SMG7: variants seen among roughly 807,000 people sequenced by gnomAD.
The protein encoded by SMG7 is SMG7 nonsense mediated mRNA decay factor.
SMG7 carries 34 observed loss-of-function variants against 148.2 expected under a neutral mutation model. The observed-to-expected ratio is 0.23, with a 90% CI of 0.17 to 0.31. The LOEUF (loss-of-function observed/expected upper bound fraction) is 0.31, where lower values mean the gene tolerates loss of function less well. SMG7 is among the 10% of genes least tolerant of loss of function. SMG7 has a pLI of 1.00. For missense variants in SMG7, 1,114 were observed against 1,408.4 expected (o/e 0.79, Z 3.35); for synonymous variants, 492 against 515.1 (o/e 0.96, Z 0.61).
At chr1:183,477,512 A>G (rs1023749309) in intron 1 of SMG7, among the ~76,000 whole-genome samples, 5 of 151,982 alleles carry the variant, frequency 3.3e-5, no homozygotes, top group African/African-American at 1.2e-4. Context: ...ATATATGCAT[A>G]TATACATGTG....
intron 8 of SMG7, 51 bp from the exon 9 acceptor site, chr1:183,533,113 G>T: frequency 6.6e-7 from 1 of 1,509,600 alleles, no homozygotes. Flanking sequence ...TTGTGTCAAA[G>T]ATGGTTCCTG....
chr1:183,520,791 AATC>A (rs1458763864), intron 4 of SMG7, among the ~76,000 whole-genome samples: 1 of 152,264 alleles, frequency 6.6e-6, no homozygotes, highest in Non-Finnish European at 1.5e-5. Context: ...GTAAAGAAAG[AATC>A]ATCATTTTTA....
rs115513996 is a variant in SMG7 at position 183,514,119 on chromosome 1, C to T, written c.61+1251C>T. Among the ~76,000 whole-genome samples, 487 of 150,520 alleles carry T rather than the reference C, an allele frequency of 3.2e-3. 1 individual carries two copies. Among genetic ancestry groups the T allele is most frequent in the Middle Eastern group, 0.014 (4 of 294 alleles). On this transcript the variant is annotated intron_variant, in intron 2 of 22. Transcript: ENST00000688051. ...ACCGTATACTGGTCAGTATGCCCTC[C>T]GTAACAGCATATGCCATCCTAAAAT...
intron 1 of SMG7, among the ~76,000 whole-genome samples, chr1:183,477,414 G>GTA (rs879846281): frequency 2.5e-3 from 386 of 151,838 alleles, no homozygotes; most frequent in East Asian, 6.0e-3. Context: ...GTGTGTGTGT[G>GTA]TGTGTATGTG....
chr1:183,477,613 T>C (rs1571717887), intron 1 of SMG7, among the ~76,000 whole-genome samples: 1 of 131,228 alleles, frequency 7.6e-6, no homozygotes, highest in East Asian at 2.3e-4. Flanking sequence ...TATGCATATA[T>C]ACGTGTGTGC....
rs966406091 is a variant in SMG7 at position 183,472,805 on chromosome 1, G to A, written c.29+156G>A. The A allele has an allele frequency of 8.5e-6, 5 of 586,668 alleles. No homozygotes were observed. In the Admixed American group the frequency reaches 1.2e-4, roughly 14 times the overall value. 36.3% of individuals were successfully genotyped at this position (586,668 alleles called of 1,614,324 possible). A position where few individuals can be genotyped will look rare whatever the true frequency, so the allele number is the denominator to read the frequency against. On this transcript the variant is annotated intron_variant, in intron 1 of 22. Coordinates refer to ENST00000688051, the MANE Select transcript of SMG7 (RefSeq NM_001375584.1). ...GAGACTGCAAGGGGATCTGCGGGAG[G>A]GGGCGGAACGGGTATGGGTGCCTAG...
chr1:183,539,809 C>T (rs545141750), intron 12 of SMG7, among the ~76,000 whole-genome samples: 37 of 152,310 alleles, frequency 2.4e-4, no homozygotes, highest in Middle Eastern at 3.4e-3. Context: ...GTTTATTTCC[C>T]TATACATAGT....
intron 4 of SMG7, among the ~76,000 whole-genome samples, chr1:183,520,410 C>T (rs1034124751): frequency 6.6e-6 from 1 of 151,976 alleles, no homozygotes; most frequent in Admixed American, 6.6e-5. Flanking sequence ...CTGTTGGATT[C>T]CCAGATTCCC....
chr1:183,489,769 T>C (rs1309179781), intron 1 of SMG7, among the ~76,000 whole-genome samples: 1 of 152,240 alleles, frequency 6.6e-6, no homozygotes, highest in African/African-American at 2.4e-5. Context: ...GATCAACTTC[T>C]ATTCTCAATG....
chr1:183,549,786 T>A lies in SMG7; in HGVS notation c.2996T>A (p.Met999Lys), dbSNP rs1353956949. The change falls in exon 20 of 23, where the codon ATG (methionine) becomes AAG (lysine). Residue 999 changes from methionine (M) to lysine (K), a missense_variant. Physicochemically the swap from Met to Lys is moderately conservative, Grantham distance 95 (BLOSUM62 -1). This residue lies in a region of SMG7 where 788 missense variants were observed against 894.5 expected (regional missense o/e 0.88). Coordinates refer to ENST00000688051, the MANE Select transcript of SMG7 (RefSeq NM_001375584.1). Reference sequence around the variant, plus strand: ...CAGGAAAGATACCCAAATAATAGTATGTTCAATGAGGTATATGGGAAAAAC... The same window carrying A: ...CAGGAAAGATACCCAAATAATAGTAAGTTCAATGAGGTATATGGGAAAAAC... Reference protein sequence around the residue: ...LNQERYPNNSMFNEVYGKNLT... With the variant: ...LNQERYPNNSKFNEVYGKNLT... 6.2e-7 allele frequency: 1 copy of A among 1,613,812 alleles called. No individual in the cohort carries two copies. The highest frequency in any genetic ancestry group is 2.2e-5 in the East Asian group (1 of 44,868).
chr1:183,476,872 A>G (rs1321062694), intron 1 of SMG7, among the ~76,000 whole-genome samples: 1 of 152,208 alleles, frequency 6.6e-6, no homozygotes, highest in Non-Finnish European at 1.5e-5. Flanking sequence ...TTATGACAGA[A>G]TGAAAGATTT....
Position 183,532,529 on chromosome 1 carries a change from G to A in SMG7, c.844-635G>A, listed in dbSNP as rs575338840. On this transcript the variant is annotated intron_variant, in intron 8 of 22. Coordinates refer to ENST00000688051, the MANE Select transcript of SMG7 (RefSeq NM_001375584.1). ...AAGGTAAATGAAATTTGATGATCAC[G>A]CATGTACTTCTCTAAGAGGGGAAAA... Among the ~76,000 whole-genome samples the A allele has an allele frequency of 7.9e-5, 12 of 152,254 alleles. No individual in the cohort carries two copies. The East Asian group carries it at 9.7e-4, about 12-fold the overall frequency.
At chr1:183,473,790 G>C in intron 1 of SMG7, 1 of 985,260 alleles carries the variant, frequency 1.0e-6, no homozygotes, top group Non-Finnish European at 1.2e-6. Flanking sequence ...CCTTGCGGAG[G>C]AGGGAGTTGG....
chr1:183,530,411 A>G (rs1666649468), intron 8 of SMG7, among the ~76,000 whole-genome samples: 1 of 152,130 alleles, frequency 6.6e-6, no homozygotes, highest in Non-Finnish European at 1.5e-5. Context: ...GATACTTTCT[A>G]TGTGCAAGAT....
intron 1 of SMG7, among the ~76,000 whole-genome samples, chr1:183,474,444 A>G (rs1202370805): frequency 1.3e-5 from 2 of 152,136 alleles, no homozygotes; most frequent in African/African-American, 4.8e-5. Flanking sequence ...GGCGCCTGTA[A>G]TGCCGGCTAC....
intron 1 of SMG7, among the ~76,000 whole-genome samples, chr1:183,495,985 C>CAAAAA (rs1557969738): frequency 6.6e-6 from 1 of 151,862 alleles, no homozygotes; most frequent in South Asian, 2.1e-4. Context: ...AAATAATGAG[C>CAAAAA]AAAAAAAGTT....
chr1:183,519,595 T>G (rs556555010), intron 4 of SMG7, among the ~76,000 whole-genome samples: 9 of 152,232 alleles, frequency 5.9e-5, no homozygotes, highest in Non-Finnish European at 1.3e-4. Context: ...CTTTTCTGAT[T>G]GTAAAAATAA....
chr1:183,492,139 C>T (rs971286283), intron 1 of SMG7, among the ~76,000 whole-genome samples: 10 of 152,104 alleles, frequency 6.6e-5, no homozygotes, highest in Non-Finnish European at 1.5e-4. Context: ...AAAATTTACT[C>T]CTTAGTTTTC....
At chr1:183,526,156 AT>A (rs369153968) in intron 4 of SMG7, among the ~76,000 whole-genome samples, 35,174 of 96,344 alleles carry the variant, frequency 0.37, 5,172 homozygotes, top group Middle Eastern at 0.51. Flanking sequence ...ATATATATAT[AT>A]TTTTTTTTTT....
Sources: gnomAD v4.1 joint callset for allele counts (sites outside exome capture counted in the v4.1 genomes callset) on GRCh38, gnomAD v4.1.1 for gene constraint, gnomAD v4.1.1 regional missense constraint, MANE v1.5 for transcripts, NCBI Gene and HGNC (gene_info 2026-07-23, HGNC 2026-07-21) for gene names.